C3orf33: variants seen among roughly 807,000 people sequenced by gnomAD.
The protein encoded by C3orf33 is AP-1 activity suppressor.
C3orf33 carries 23 observed loss-of-function variants against 28.7 expected under a neutral mutation model. The ratio of observed to expected loss-of-function variants is 0.80; its 90% CI spans 0.58 to 1.13. The LOEUF (loss-of-function observed/expected upper bound fraction) is 1.13. Among genes scored for constraint, C3orf33 ranks in the 50% most tolerant of loss-of-function variants. The pLI is 0.00. For synonymous variants in C3orf33, 119 were observed against 120.5 expected (o/e 0.99, Z 0.08); for missense variants, 327 against 353.4 (o/e 0.93, Z 0.60).
At chr3:155,774,035 C>T (rs1157553075) in intron 3 of C3orf33, among the ~76,000 whole-genome samples, 2 of 152,080 alleles carry the variant, frequency 1.3e-5, no homozygotes, top group African/African-American at 2.4e-5. Flanking sequence ...GAGTGATATT[C>T]GTTCAACTCG....
intron 3 of C3orf33, among the ~76,000 whole-genome samples, chr3:155,769,672 A>T (rs1421099323): frequency 6.6e-6 from 1 of 152,200 alleles, no homozygotes; most frequent in South Asian, 2.1e-4. Flanking sequence ...TCCCTCTCCA[A>T]TCCTGTAATG....
At chr3:155,766,113 C>T (rs1750394841) in intron 4 of C3orf33, among the ~76,000 whole-genome samples, 2 of 152,156 alleles carry the variant, frequency 1.3e-5, no homozygotes, top group Non-Finnish European at 2.9e-5. Context: ...ATTGCAGTCT[C>T]GACTGCGTAG....
intron 2 of C3orf33, among the ~76,000 whole-genome samples, chr3:155,779,102 A>G (rs1750839454): frequency 6.6e-6 from 1 of 152,212 alleles, no homozygotes; most frequent in Non-Finnish European, 1.5e-5. Context: ...TGTGAACTCA[A>G]AATGAGTAAA....
At chr3:155,777,599 G>A (rs1415754860) in intron 2 of C3orf33, among the ~76,000 whole-genome samples, 1 of 151,892 alleles carries the variant, frequency 6.6e-6, no homozygotes, top group Non-Finnish European at 1.5e-5. Flanking sequence ...ACTACACCTG[G>A]TTAATTTTTA....
chr3:155,763,553 T>A lies in C3orf33; in HGVS notation c.849A>T (p.Glu283Asp). The A allele has an allele frequency of 6.5e-7, 1 of 1,538,868 alleles. No homozygotes were observed. Among genetic ancestry groups the A allele is most frequent in the Non-Finnish European group, 8.7e-7 (1 of 1,152,764 alleles). Residue 283 changes from glutamate (E) to aspartate (D), a missense_variant, in exon 5 of 5, where the codon GAA becomes GAT. Coordinates refer to ENST00000340171, the MANE Select transcript of C3orf33 (RefSeq NM_001308229.2). Reference protein sequence around the residue: ...NNCSLILKFRELISRINFRRK... With the variant: ...NNCSLILKFRDLISRINFRRK... ...TACGAAAGTTTATGCGACTTATAAG[T>A]TCTCTGAACTTCAGTATTAAGGAGC...
intron 2 of C3orf33, among the ~76,000 whole-genome samples, chr3:155,797,055 G>T (rs1474399917): frequency 2.0e-5 from 3 of 152,164 alleles, no homozygotes; most frequent in Non-Finnish European, 4.4e-5. Flanking sequence ...GCCAGGCGTG[G>T]TGGTGGGTGC....
intron 1 of C3orf33, among the ~76,000 whole-genome samples, chr3:155,805,422 C>T (rs999976690): frequency 2.0e-5 from 3 of 152,082 alleles, no homozygotes; most frequent in African/African-American, 7.2e-5. Flanking sequence ...ATAATGGTGC[C>T]ACTGCACTCC....
chr3:155,804,228 C>G (rs1187691505), intron 1 of C3orf33: 9 of 388,738 alleles, frequency 2.3e-5, no homozygotes, highest in African/African-American at 1.1e-4. Flanking sequence ...GGTACATACT[C>G]TGGGTTCTGT....
chr3:155,786,566 T>C (rs912461079), intron 2 of C3orf33, among the ~76,000 whole-genome samples: 1 of 152,032 alleles, frequency 6.6e-6, no homozygotes, highest in Non-Finnish European at 1.5e-5. Flanking sequence ...GTGGCTCACG[T>C]CTGTAATCCC....
chr3:155,774,806 G>A (rs1750692533), intron 3 of C3orf33, among the ~76,000 whole-genome samples: 1 of 151,202 alleles, frequency 6.6e-6, no homozygotes, highest in Non-Finnish European at 1.5e-5. Context: ...TCCTCCCTGT[G>A]CCTCAATCAC....
At chr3:155,765,275 T>C (rs962572492) in intron 4 of C3orf33, among the ~76,000 whole-genome samples, 2 of 152,222 alleles carry the variant, frequency 1.3e-5, no homozygotes, top group Non-Finnish European at 2.9e-5. Flanking sequence ...TCAGTTTCCC[T>C]AAAAGTCCTA....
Position 155,763,638 on chromosome 3 carries a change from T to A in C3orf33, c.764A>T (p.Glu255Val), listed in dbSNP as rs1268601798. 2 of 1,597,018 alleles carry A rather than the reference T, an allele frequency of 1.3e-6. No homozygotes were observed. Among genetic ancestry groups the A allele is most frequent in the East Asian group, 2.2e-5 (1 of 44,646 alleles). Residue 255 changes from glutamate to valine, a missense_variant, in exon 5 of 5, where the codon GAA (glutamate) becomes GTA (valine). Physicochemically the swap from Glu to Val is moderately radical, Grantham distance 121. Transcript: ENST00000340171. The part of the protein sequence containing the change: ...TTGSDFSLKK[E>V]SYYEKLKRTY... ...CCTTTTAAGTTTTTCATAATAACTT[T>A]CTTTTTTCAAGCTGAAATCTGATCC...
intron 4 of C3orf33, among the ~76,000 whole-genome samples, chr3:155,767,129 T>C (rs1230071237): frequency 6.6e-6 from 1 of 151,954 alleles, no homozygotes; most frequent in Admixed American, 6.6e-5. Context: ...GGCGCCCATG[T>C]GTAGTCCCAG....
chr3:155,794,928 A>G (rs1751433381), intron 2 of C3orf33, among the ~76,000 whole-genome samples: 2 of 152,206 alleles, frequency 1.3e-5, no homozygotes, highest in African/African-American at 4.8e-5. Flanking sequence ...TATTAGAGCT[A>G]GAGCTAAAGA....
chr3:155,771,225 C>T (rs1164477199), intron 3 of C3orf33, among the ~76,000 whole-genome samples: 2 of 152,040 alleles, frequency 1.3e-5, no homozygotes, highest in African/African-American at 4.8e-5. Flanking sequence ...CCCATATCAG[C>T]CTCGCAAGTA....
intron 2 of C3orf33, among the ~76,000 whole-genome samples, chr3:155,778,505 G>A (rs113617518): frequency 0.019 from 2,937 of 152,284 alleles, 84 homozygotes; most frequent in African/African-American, 0.067. Context: ...AACAACTGGT[G>A]AATCTAGGTG....
At chr3:155,796,886 T>A (rs1264884605) in intron 2 of C3orf33, among the ~76,000 whole-genome samples, 2 of 152,180 alleles carry the variant, frequency 1.3e-5, no homozygotes, top group Non-Finnish European at 2.9e-5. Flanking sequence ...ATGTGATACA[T>A]CATATTGACA....
At chr3:155,772,069 A>T (rs1750609612) in intron 3 of C3orf33, among the ~76,000 whole-genome samples, 1 of 152,162 alleles carries the variant, frequency 6.6e-6, no homozygotes, top group Admixed American at 6.6e-5. Context: ...AGTGGACATG[A>T]TGGTGCACTT....
chr3:155,769,490 A>G (rs1301429504), intron 3 of C3orf33, among the ~76,000 whole-genome samples: 3 of 150,930 alleles, frequency 2.0e-5, no homozygotes, highest in Non-Finnish European at 2.9e-5. Flanking sequence ...TGTTTCAAAA[A>G]AAAAAAAAAA....
Sources: gnomAD v4.1 joint callset for allele counts (sites outside exome capture counted in the v4.1 genomes callset) on GRCh38, gnomAD v4.1.1 for gene constraint, MANE v1.5 for transcripts, NCBI Gene and HGNC (gene_info 2026-07-23, HGNC 2026-07-21) for gene names.